The following EGFLAM variants were observed in gnomAD, a reference collection of about 807,000 sequenced individuals.
EGFLAM encodes the protein pikachurin.
EGFLAM carries 79 observed loss-of-function variants against 113.1 expected under a neutral mutation model. The ratio of observed to expected loss-of-function variants is 0.70; its 90% CI spans 0.58 to 0.84. The LOEUF is 0.84. Ranked by LOEUF, EGFLAM falls within the 40% of genes least tolerant of loss-of-function variation. The pLI is 0.00. For missense variants in EGFLAM, 1,265 were observed against 1,291.6 expected (o/e 0.98, Z 0.32); for synonymous variants, 504 against 487.6 (o/e 1.03, Z -0.44).
intron 1 of EGFLAM, among the ~76,000 whole-genome samples, chr5:38,277,135 C>T (rs1361016807): frequency 6.6e-6 from 1 of 152,100 alleles, no homozygotes; most frequent in African/African-American, 2.4e-5. Flanking sequence ...AGGCCAATAT[C>T]CCCAGCAAAC....
At chr5:38,290,636 C>T (rs2111790509) in intron 1 of EGFLAM, 1 of 152,382 alleles carries the variant, frequency 6.6e-6, no homozygotes, top group Non-Finnish European at 1.5e-5. Context: ...CCTTCTCAAT[C>T]CCTTTTTTCA....
At chr5:38,258,950 C>G in intron 1 of EGFLAM, 99 bp downstream of exon 1, 4 of 1,277,388 alleles carry the variant, frequency 3.1e-6, no homozygotes, top group African/African-American at 1.5e-5. Context: ...TCCCTCTCCC[C>G]GACCAACGTC....
chr5:38,399,342 G>A (rs111543013), intron 6 of EGFLAM, among the ~76,000 whole-genome samples: 29,551 of 145,178 alleles, frequency 0.2, 3,435 homozygotes, highest in African/African-American at 0.32. Flanking sequence ...CAGAGGCACT[G>A]TCCCAGCTCA....
intron 6 of EGFLAM, among the ~76,000 whole-genome samples, chr5:38,398,398 A>G (rs76178585): frequency 0.011 from 1,675 of 152,362 alleles, 8 homozygotes; most frequent in Non-Finnish European, 0.018. Flanking sequence ...AATTACATTT[A>G]TGAAATCATC....
intron 11 of EGFLAM, among the ~76,000 whole-genome samples, chr5:38,415,699 A>C (rs1741618944): frequency 6.6e-6 from 1 of 152,200 alleles, no homozygotes; most frequent in African/African-American, 2.4e-5. Context: ...GTCCGTTCTC[A>C]TACTGCTATG....
At chr5:38,360,291 T>C (rs112842718) in intron 5 of EGFLAM, among the ~76,000 whole-genome samples, 1,884 of 152,322 alleles carry the variant, frequency 0.012, 43 homozygotes, top group African/African-American at 0.044. Context: ...AATTGAGGCT[T>C]ATACCCTGAT....
intron 6 of EGFLAM, among the ~76,000 whole-genome samples, chr5:38,393,166 G>A (rs115468768): frequency 0.031 from 4,758 of 152,256 alleles, 292 homozygotes; most frequent in African/African-American, 0.11. Flanking sequence ...ATGAAAATTA[G>A]ATTGTATTTA....
chr5:38,457,768 G>A (rs1269499369), intron 19 of EGFLAM, among the ~76,000 whole-genome samples: 1 of 152,030 alleles, frequency 6.6e-6, no homozygotes, highest in Non-Finnish European at 1.5e-5. Flanking sequence ...TGATACTTTA[G>A]TACTGATGTT....
chr5:38,274,692 A>C (rs2111729751), intron 1 of EGFLAM, among the ~76,000 whole-genome samples: 1 of 152,326 alleles, frequency 6.6e-6, no homozygotes, highest in Non-Finnish European at 1.5e-5. Flanking sequence ...CTGTCTTACA[A>C]GAAATGCTAA....
chr5:38,378,125 A>T (rs1740412275), intron 6 of EGFLAM, among the ~76,000 whole-genome samples: 2 of 152,058 alleles, frequency 1.3e-5, no homozygotes, highest in African/African-American at 4.8e-5. Context: ...GCTGAGACAA[A>T]CTCCCTCTGG....
At chr5:38,323,511 G>A (rs556555108) in intron 1 of EGFLAM, among the ~76,000 whole-genome samples, 1 of 152,250 alleles carries the variant, frequency 6.6e-6, no homozygotes, top group South Asian at 2.1e-4. Flanking sequence ...AGTTTCAAAT[G>A]CTATGTTTCT....
intron 6 of EGFLAM, among the ~76,000 whole-genome samples, chr5:38,391,405 T>TGC: frequency 6.6e-6 from 1 of 151,546 alleles, no homozygotes; most frequent in Middle Eastern, 3.2e-3. Context: ...TGTGTGTGTG[T>TGC]GTGTGTGTGT....
intron 17 of EGFLAM, among the ~76,000 whole-genome samples, chr5:38,443,978 C>T (rs1742628993): frequency 6.6e-6 from 1 of 152,036 alleles, no homozygotes; most frequent in African/African-American, 2.4e-5. Flanking sequence ...CCCATGTTGG[C>T]CAGGCTGGTC....
In EGFLAM at chr5:38,258,710, T is replaced by A. The variant is rs1158829110; in HGVS notation, c.-45T>A. 1 of 1,571,434 alleles carries A rather than the reference T, an allele frequency of 6.4e-7. No individual in the cohort carries two copies. The highest frequency in any genetic ancestry group is 1.2e-5 in the South Asian group (1 of 86,912). On this transcript the variant is annotated 5_prime_UTR_variant, in exon 1 of 22. Transcript: ENST00000322350. ...CGCGCCCCCGGAGACGCCCTTTCCG[T>A]GTGCGCCCGGGACTTGGTGAAACTT...
chr5:38,409,456 TCTGGAGGTGCTGTTGAATGTACCTGGCA>T (rs1414800944), intron 10 of EGFLAM, among the ~76,000 whole-genome samples: 2 of 151,548 alleles, frequency 1.3e-5, no homozygotes, highest in African/African-American at 2.4e-5. Flanking sequence ...TGTACCTGGC[TCTGGAGGTGCTGTTGAATGTACCTGGCA>T]CTGGAGGTGC....
In EGFLAM at chr5:38,407,161, G is replaced by C. The variant is rs1741316652; in HGVS notation, c.1147+15G>C. On this transcript the variant is annotated intron_variant, in intron 8 of 21. Coordinates refer to ENST00000322350, the MANE Select transcript of EGFLAM (RefSeq NM_152403.4). ...CTGCTCAGAAGGTAGGCCCTTGGGG[G>C]AGAGGAAGAAGTGGTGATGAATTGG... The C allele has an allele frequency of 7.0e-6, 11 of 1,577,290 alleles. No individual in the cohort carries two copies. The highest frequency in any genetic ancestry group is 9.4e-6 in the Non-Finnish European group (11 of 1,172,538).
chr5:38,366,577 G>A (rs1343449861), intron 5 of EGFLAM, among the ~76,000 whole-genome samples: 2 of 152,172 alleles, frequency 1.3e-5, no homozygotes, highest in African/African-American at 4.8e-5. Flanking sequence ...GATTGAGATT[G>A]GCAATGGGCA....
At chr5:38,356,086 C>T (rs1739755492) in intron 5 of EGFLAM, among the ~76,000 whole-genome samples, 1 of 152,088 alleles carries the variant, frequency 6.6e-6, no homozygotes, top group Non-Finnish European at 1.5e-5. Flanking sequence ...AAATTATATG[C>T]CATTCCAACC....
At chr5:38,375,793 G>C (rs990021103) in intron 6 of EGFLAM, among the ~76,000 whole-genome samples, 1 of 152,108 alleles carries the variant, frequency 6.6e-6, no homozygotes, top group African/African-American at 2.4e-5. Context: ...GCAATGTTGA[G>C]AAGTTCGTGC....
Sources: allele counts gnomAD v4.1 joint callset (sites outside exome capture counted in the v4.1 genomes callset), GRCh38; gene constraint gnomAD v4.1.1; transcripts MANE v1.5; gene names NCBI Gene and HGNC (gene_info 2026-07-23, HGNC 2026-07-21).